RELN: variants seen among roughly 807,000 people sequenced by gnomAD.
RELN encodes reelin.
A neutral mutation model predicts 427.6 loss-of-function variants in RELN; 108 were observed. The ratio of observed to expected loss-of-function variants is 0.25; its 90% CI spans 0.22 to 0.30. The LOEUF is 0.30. Among genes scored for constraint, RELN ranks in the 10% least tolerant of loss-of-function variants. RELN has a pLI of 1.00. For missense variants in RELN, 3,715 were observed against 4,302.8 expected, an observed-to-expected ratio of 0.86 and a Z score of 3.82; for synonymous variants, 1,524 against 1,513.4, an observed-to-expected ratio of 1.01 and a Z score of -0.16.
intron 1 of RELN, among the ~76,000 whole-genome samples, chr7:103,977,029 T>G (rs1389019576): frequency 1.3e-5 from 2 of 151,660 alleles, no homozygotes; most frequent in East Asian, 3.9e-4. Flanking sequence ...TCTCTGGCAG[T>G]GCCGGGCGTG....
intron 3 of RELN, among the ~76,000 whole-genome samples, chr7:103,780,022 G>C (rs750207091): frequency 6.6e-6 from 1 of 152,146 alleles, no homozygotes; most frequent in African/African-American, 2.4e-5. Context: ...GACCACACCC[G>C]GCCCAGGGCC....
chr7:103,847,529 A>AT (rs1337660241), intron 2 of RELN, among the ~76,000 whole-genome samples: 1 of 152,234 alleles, frequency 6.6e-6, no homozygotes, highest in Non-Finnish European at 1.5e-5. Context: ...ACAAACCTGC[A>AT]TGTCCTGCAC....
rs1830467933 is a variant in RELN, at chr7:103,553,847, A to C, written c.5798-16T>G. On this transcript the variant is annotated splice_polypyrimidine_tract_variant and intron_variant, in intron 38 of 64. Coordinates refer to ENST00000428762, the MANE Select transcript of RELN (RefSeq NM_005045.4). ...TCTTTCTTACCTAAGGCATTTTTGGATAAAGCAAGTTTTTCCAGTGATGAA... is the reference window on the plus strand; with the variant it reads ...TCTTTCTTACCTAAGGCATTTTTGGCTAAAGCAAGTTTTTCCAGTGATGAA... 1 of 1,611,678 alleles carries C rather than the reference A, an allele frequency of 6.2e-7. No individual in the cohort carries two copies.
At chr7:103,594,548 T>TC in intron 25 of RELN, 56 bp from the exon 26 acceptor site, 1 of 1,570,550 alleles carries the variant, frequency 6.4e-7, no homozygotes, top group South Asian at 1.1e-5. Flanking sequence ...CTTTTTTTTT[T>TC]TCAGCTATTA....
At chr7:103,627,678 G>A (rs531356153) in intron 20 of RELN, among the ~76,000 whole-genome samples, 2 of 152,152 alleles carry the variant, frequency 1.3e-5, no homozygotes, top group South Asian at 2.1e-4. Flanking sequence ...AAGTCAAATC[G>A]ATTGCTCACA....
intron 21 of RELN, 57 bp downstream of exon 21, chr7:103,611,554 T>G: frequency 7.8e-7 from 1 of 1,287,094 alleles, no homozygotes; most frequent in Non-Finnish European, 1.1e-6. Flanking sequence ...TTTTTTTGGC[T>G]TCCTAGGTAA....
intron 4 of RELN, among the ~76,000 whole-genome samples, chr7:103,774,590 A>T (rs1443328034): frequency 3.3e-5 from 5 of 152,208 alleles, no homozygotes; most frequent in African/African-American, 1.2e-4. Flanking sequence ...TAATAAATAT[A>T]TTAGATATTC....
chr7:103,911,770 C>T lies in RELN; in HGVS notation c.337+5305G>A, dbSNP rs1258819858. On this transcript the variant is annotated intron_variant, in intron 2 of 64. Transcript: ENST00000428762. ...ATCGCAAGAACAAAAAACCAAACAC[C>T]GCATATTCTCACTCATAGGTGGGAA... Among the ~76,000 whole-genome samples, 175 of 129,624 alleles carry T rather than the reference C, an allele frequency of 1.4e-3. 1 individual carries two copies. The highest frequency in any genetic ancestry group is 4.7e-3 in the African/African-American group (158 of 33,740). The allele number at this position is 129,624 out of a possible 152,430, so 85.0% of individuals were successfully genotyped here. A position where few individuals can be genotyped will look rare whatever the true frequency, so the allele number is the denominator to read the frequency against.
intron 10 of RELN, among the ~76,000 whole-genome samples, chr7:103,690,278 G>A (rs727709): frequency 0.44 from 66,022 of 151,762 alleles, 15,364 homozygotes; most frequent in South Asian, 0.61. Flanking sequence ...TAAATGGAAG[G>A]AGTGAAAAAA....
chr7:103,788,562 C>A, intron 3 of RELN, among the ~76,000 whole-genome samples: 1 of 152,066 alleles, frequency 6.6e-6, no homozygotes, highest in East Asian at 1.9e-4. Context: ...AACAGAGAGC[C>A]AAATCATGAG....
At chr7:103,936,761 C>A (rs1309796739) in intron 1 of RELN, among the ~76,000 whole-genome samples, 1 of 94,614 alleles carries the variant, frequency 1.1e-5, no homozygotes, top group African/African-American at 2.7e-5. Context: ...CACACACACA[C>A]ACACACACAC....
chr7:103,677,929 T>C (rs539999254), intron 11 of RELN, among the ~76,000 whole-genome samples: 2 of 152,222 alleles, frequency 1.3e-5, no homozygotes, highest in South Asian at 2.1e-4. Flanking sequence ...TTCTGGGCTA[T>C]TGTCTACTTC....
chr7:103,633,503 C>T (rs935517465), intron 19 of RELN, among the ~76,000 whole-genome samples: 4 of 151,172 alleles, frequency 2.6e-5, no homozygotes, highest in Admixed American at 6.6e-5. Flanking sequence ...AAAATTAAGG[C>T]GTTTTTGCTA....
intron 22 of RELN, among the ~76,000 whole-genome samples, chr7:103,610,000 A>G (rs1311573684): frequency 6.6e-6 from 1 of 152,188 alleles, no homozygotes; most frequent in Non-Finnish European, 1.5e-5. Context: ...AATCATTGGT[A>G]GAGCTATACT....
chr7:103,662,055 A>T (rs1198431080), intron 11 of RELN, among the ~76,000 whole-genome samples: 6 of 152,198 alleles, frequency 3.9e-5, no homozygotes, highest in Non-Finnish European at 8.8e-5. Flanking sequence ...AGAAGAGAAT[A>T]AAAATAGCTG....
chr7:103,643,900 G>C (rs375044430), intron 16 of RELN, among the ~76,000 whole-genome samples: 1 of 151,852 alleles, frequency 6.6e-6, no homozygotes, highest in Non-Finnish European at 1.5e-5. Context: ...TGCCATGCCT[G>C]ACTACCAAAA....
intron 40 of RELN, 97 bp downstream of exon 40, chr7:103,553,364 G>A (rs1830453662): frequency 1.1e-6 from 1 of 904,784 alleles, no homozygotes; most frequent in South Asian, 1.4e-5. Flanking sequence ...AAAATGGGAG[G>A]TCATAATGCA....
intron 10 of RELN, among the ~76,000 whole-genome samples, chr7:103,691,425 G>A (rs1217275646): frequency 6.6e-6 from 1 of 152,072 alleles, no homozygotes; most frequent in Non-Finnish European, 1.5e-5. Flanking sequence ...TATTTGACCT[G>A]CCACTGTCAA....
Position 103,652,714 on chromosome 7 carries a change from G to A in RELN, c.1600C>T (p.Pro534Ser), listed in dbSNP as rs115160339. ...SVVINPELQTPATKFCLRQKN... is the reference protein window; with the variant it reads ...SVVINPELQTSATKFCLRQKN... ...TGCCTGAGACAAAATTTGGTAGCAGGAGTCTGAAGTTCAGGATTGATGACC... is the reference window on the plus strand; with the variant it reads ...TGCCTGAGACAAAATTTGGTAGCAGAAGTCTGAAGTTCAGGATTGATGACC... The change falls in exon 14 of 65, where the codon CCT (proline) becomes TCT (serine). Residue 534 changes from proline to serine, a missense_variant. Around this residue, in one of 4 missense-constraint regions of RELN, gnomAD observed 2,208 missense variants for 2,361.7 expected, o/e 0.93. Transcript: ENST00000428762. 35 of 1,612,726 alleles carry A rather than the reference G, an allele frequency of 2.2e-5. No homozygotes were observed. The East Asian group carries it at 7.8e-4, about 36-fold the overall frequency.
Sources: allele counts gnomAD v4.1 joint callset (sites outside exome capture counted in the v4.1 genomes callset), GRCh38; gene constraint gnomAD v4.1.1; regional missense constraint gnomAD v4.1.1; transcripts MANE v1.5; gene names NCBI Gene and HGNC (gene_info 2026-07-23, HGNC 2026-07-21).